PDE1C: variants seen among roughly 807,000 people sequenced by gnomAD.
PDE1C encodes the protein phosphodiesterase 1C, also known as dual specificity calcium/calmodulin-dependent 3',5'-cyclic nucleotide phosphodiesterase 1C.
In PDE1C, 62 loss-of-function variants were observed where a neutral mutation model predicts 93.1. That is an observed-to-expected ratio of 0.67 (90% CI 0.54 to 0.82). PDE1C has a LOEUF of 0.82. PDE1C is among the 40% of genes least tolerant of loss of function. PDE1C has a pLI of 0.00. For synonymous variants in PDE1C, 325 were observed against 310.1 expected (o/e 1.05, Z -0.50); for missense variants, 742 against 884.6 (o/e 0.84, Z 2.04).
the PDE1C span, chr7:31,707,902 G>C: frequency 1.3e-5 from 2 of 152,244 alleles, no homozygotes; most frequent in Non-Finnish European, 2.9e-5. Context: ...GATGATACCA[G>C]AGGCAGAGAG....
chr7:32,047,849 C>G (rs1792813713), intron 2 of PDE1C, among the ~76,000 whole-genome samples: 1 of 152,130 alleles, frequency 6.6e-6, no homozygotes, highest in Non-Finnish European at 1.5e-5. Flanking sequence ...CCAAATCAAA[C>G]CTTTTAATAT....
At chr7:31,697,414 G>T in the PDE1C span, among the ~76,000 whole-genome samples, 1 of 152,188 alleles carries the variant, frequency 6.6e-6, no homozygotes, top group Admixed American at 6.5e-5. Flanking sequence ...AGAAGAGCTG[G>T]AATGCCCTCC....
the PDE1C span, among the ~76,000 whole-genome samples, chr7:31,689,305 T>C: frequency 3.3e-5 from 5 of 152,294 alleles, no homozygotes; most frequent in East Asian, 3.9e-4. Flanking sequence ...ATGTGAAGTA[T>C]TAGACAACAA....
chr7:31,622,349 A>G, the PDE1C span, among the ~76,000 whole-genome samples: 162 of 152,280 alleles, frequency 1.1e-3, no homozygotes, highest in African/African-American at 3.7e-3. Context: ...TTGACCAGAT[A>G]GTTGGAAGTA....
intron 2 of PDE1C, among the ~76,000 whole-genome samples, chr7:32,188,720 T>C (rs78816440): frequency 0.014 from 2,128 of 152,256 alleles, 60 homozygotes; most frequent in African/African-American, 0.048. Flanking sequence ...GTCTTTAGGA[T>C]GGTATTTTCT....
intron 7 of PDE1C, among the ~76,000 whole-genome samples, chr7:31,860,130 T>C (rs185271715): frequency 6.6e-6 from 1 of 152,338 alleles, no homozygotes; most frequent in Non-Finnish European, 1.5e-5. Context: ...TATACCAATT[T>C]ACCCTCAGAT....
At chr7:31,731,196 G>A in the PDE1C span, among the ~76,000 whole-genome samples, 1 of 152,022 alleles carries the variant, frequency 6.6e-6, no homozygotes, top group Non-Finnish European at 1.5e-5. Flanking sequence ...CAAGCCCTGA[G>A]GGAGGCGGGC....
At chr7:32,261,060 A>C (rs1185433815) in intron 1 of PDE1C, among the ~76,000 whole-genome samples, 1 of 152,138 alleles carries the variant, frequency 6.6e-6, no homozygotes, top group Non-Finnish European at 1.5e-5. Flanking sequence ...CAGTGAGCTG[A>C]GATCGCACCA....
At chr7:31,810,598 T>C (rs1787426908) in intron 15 of PDE1C, among the ~76,000 whole-genome samples, 1 of 152,116 alleles carries the variant, frequency 6.6e-6, no homozygotes, top group Non-Finnish European at 1.5e-5. Flanking sequence ...ATTTAAGTTT[T>C]TTTCTTGAGG....
In PDE1C at chr7:32,237,254, T is replaced by A. The variant is rs920493840; in HGVS notation, c.86-27715A>T. 2.7e-5 allele frequency among the ~76,000 whole-genome samples: 4 copies of A among 149,164 alleles called. 1 individual carries two copies. In the South Asian group the frequency reaches 8.5e-4, roughly 32 times the overall value. ...GGCGCCTACCACCACGCCCGGCTAA[T>A]TTTTTTGTATTTTTAATAGAGACAG... On this transcript the variant is annotated intron_variant, in intron 1 of 18. Transcript: ENST00000396193.
intron 1 of PDE1C, among the ~76,000 whole-genome samples, chr7:32,289,333 C>T (rs1238764443): frequency 6.6e-6 from 1 of 152,140 alleles, no homozygotes; most frequent in Admixed American, 6.5e-5. Flanking sequence ...TCGCTTGAGC[C>T]CAGGAGGCCA....
At chr7:31,701,285 G>T in the PDE1C span, among the ~76,000 whole-genome samples, 1 of 152,152 alleles carries the variant, frequency 6.6e-6, no homozygotes, top group Non-Finnish European at 1.5e-5. Context: ...AGTTTGAGAG[G>T]TTCAAGACTT....
the PDE1C span, among the ~76,000 whole-genome samples, chr7:31,649,270 T>G: frequency 6.6e-6 from 1 of 152,180 alleles, no homozygotes; most frequent in East Asian, 1.9e-4. Flanking sequence ...GCTGCCAGGA[T>G]GTTGGCCATG....
chr7:31,816,612 G>GT (rs1259282094), intron 14 of PDE1C, among the ~76,000 whole-genome samples: 1 of 152,076 alleles, frequency 6.6e-6, no homozygotes, highest in Non-Finnish European at 1.5e-5. Context: ...CATAGCCACA[G>GT]TAAAAACTGC....
chr7:32,112,804 ATGTGTGTG>A (rs150245670), intron 3 of PDE1C, among the ~76,000 whole-genome samples: 30 of 66,726 alleles, frequency 4.5e-4, no homozygotes, highest in East Asian at 2.6e-3. Flanking sequence ...ATATACATAT[ATGTGTGTG>A]TGTGTGTGTG....
At chr7:32,187,941 C>T (rs1803989501) in intron 2 of PDE1C, among the ~76,000 whole-genome samples, 1 of 152,200 alleles carries the variant, frequency 6.6e-6, no homozygotes, top group Non-Finnish European at 1.5e-5. Context: ...CACAGTTCTA[C>T]AGAATTTATT....
intron 1 of PDE1C, among the ~76,000 whole-genome samples, chr7:32,376,983 G>A (rs1446431570): frequency 6.6e-6 from 1 of 152,026 alleles, no homozygotes; most frequent in Non-Finnish European, 1.5e-5. Flanking sequence ...CACAGCGCTC[G>A]GCCGACTTCC....
the PDE1C span, chr7:31,643,865 G>A: frequency 6.2e-7 from 1 of 1,613,910 alleles, no homozygotes; most frequent in Non-Finnish European, 8.5e-7. Flanking sequence ...TGTAGGCACT[G>A]CCTGTGTTCA....
chr7:32,298,662 C>T (rs774678825), exon 1 of PDE1C: 1 of 1,606,550 alleles, frequency 6.2e-7, no homozygotes, highest in Admixed American at 1.7e-5. Context: ...TATGGTGAAG[C>T]TGTAGCCATC....
Sources: allele counts gnomAD v4.1 joint callset (sites outside exome capture counted in the v4.1 genomes callset), GRCh38; gene constraint gnomAD v4.1.1; transcripts MANE v1.5; gene names NCBI Gene and HGNC (gene_info 2026-07-23, HGNC 2026-07-21).